Variants in GARNL3 observed in about 807,000 individuals in gnomAD.
The protein encoded by GARNL3 is GTPase activating Rap/RanGAP domain like 3.
A neutral mutation model predicts 125.0 loss-of-function variants in GARNL3; 63 were observed. The observed-to-expected ratio is 0.50, with a 90% CI of 0.41 to 0.62. GARNL3 has a LOEUF of 0.62. Ranked by LOEUF, GARNL3 falls within the 20% of genes least tolerant of loss-of-function variation. The probability of loss-of-function intolerance (pLI) is 0.00; values close to 1 mark genes in which losing one functional copy is unlikely to be tolerated. For synonymous variants in GARNL3, 439 were observed against 457.5 expected, an observed-to-expected ratio of 0.96 and a Z score of 0.52; for missense variants, 994 against 1,244.0, an observed-to-expected ratio of 0.80 and a Z score of 3.02.
intron 13 of GARNL3, among the ~76,000 whole-genome samples, chr9:127,341,931 G>A (rs922698495): frequency 3.9e-5 from 6 of 152,184 alleles, no homozygotes; most frequent in Non-Finnish European, 5.9e-5. Context: ...ACAGGTAGCA[G>A]CCGGCGGATC....
chr9:127,317,406 A>G (rs946551689), intron 4 of GARNL3, among the ~76,000 whole-genome samples: 1 of 152,100 alleles, frequency 6.6e-6, no homozygotes, highest in Non-Finnish European at 1.5e-5. Flanking sequence ...ATGGTCTTTG[A>G]GGCTTATTTG....
chr9:127,354,186 C>G, intron 18 of GARNL3, 108 bp from the exon 19 acceptor site: 1 of 818,430 alleles, frequency 1.2e-6, no homozygotes, highest in Non-Finnish European at 2.0e-6. Flanking sequence ...CTCCTGAATT[C>G]CAGAACACCT....
At chr9:127,294,421 A>G (rs532217435) in intron 2 of GARNL3, among the ~76,000 whole-genome samples, 87 of 152,244 alleles carry the variant, frequency 5.7e-4, no homozygotes, top group African/African-American at 2.0e-3. Flanking sequence ...CTTCTGCCTC[A>G]GCCTCCCAAG....
intron 22 of GARNL3, among the ~76,000 whole-genome samples, chr9:127,374,761 T>A (rs1302800692): frequency 6.6e-6 from 1 of 152,064 alleles, no homozygotes; most frequent in African/African-American, 2.4e-5. Context: ...TCATTAGCTA[T>A]TAGGGCAATG....
In GARNL3 at chr9:127,370,340, A is replaced by G. The variant is rs185330888; in HGVS notation, c.2161+4974A>G. The stretch of plus-strand genomic sequence containing the variant: ...GAAGTGGGAAATATCAGGAGTTTAA[A>G]AAAAGAACTGTTAAACTGTACAGGA... On this transcript the variant is annotated intron_variant, in intron 22 of 27. Coordinates refer to ENST00000373387, the MANE Select transcript of GARNL3 (RefSeq NM_032293.5). Among the ~76,000 whole-genome samples, 156 of 152,338 alleles carry G rather than the reference A, an allele frequency of 1.0e-3. 1 individual carries two copies. The highest frequency in any genetic ancestry group is 3.4e-3 in the Middle Eastern group (1 of 294).
At chr9:127,239,662 A>C (rs2063170155) in intron 1 of GARNL3, among the ~76,000 whole-genome samples, 1 of 152,214 alleles carries the variant, frequency 6.6e-6, no homozygotes, top group East Asian at 1.9e-4. Flanking sequence ...ATATATTTTA[A>C]ATAGTGAGAA....
chr9:127,229,637 A>C (rs1448047912), intron 1 of GARNL3, among the ~76,000 whole-genome samples: 4 of 152,210 alleles, frequency 2.6e-5, no homozygotes, highest in Admixed American at 6.5e-5. Context: ...CTGAGACTAC[A>C]GGTGAGTGCC....
At chr9:127,361,160 T>G (rs1830975926) in intron 21 of GARNL3, among the ~76,000 whole-genome samples, 1 of 152,246 alleles carries the variant, frequency 6.6e-6, no homozygotes, top group South Asian at 2.1e-4. Flanking sequence ...GTACAGTTCC[T>G]ACTTCACTTG....
In GARNL3 at chr9:127,392,720, G is replaced by A. The variant is rs1405501916; in HGVS notation, c.2871-363G>A. On this transcript the variant is annotated intron_variant, in intron 27 of 27. Transcript: ENST00000373387. This position sits in a 1 kb window ranked among gnomAD's most constrained non-coding sequence, Gnocchi z 5.2. ...AGAGGGAGTCAGGGGTGCCCTGGGA[G>A]GCTGGAGGGATCACAGGCCTAGTCC... Among the ~76,000 whole-genome samples, 1 of 152,254 alleles carries A rather than the reference G, an allele frequency of 6.6e-6. No homozygotes were observed.
intron 1 of GARNL3, among the ~76,000 whole-genome samples, 193 bp from the exon 2 acceptor site, chr9:127,290,975 T>TA (rs2064396911): frequency 1.3e-5 from 2 of 152,212 alleles, no homozygotes; most frequent in Admixed American, 6.5e-5. Context: ...AGGCATTCCT[T>TA]ACTCTTGGGT....
At position 127,339,640 on chromosome 9, in the gene GARNL3, C is replaced by T. The variant is rs776839618; in HGVS notation, c.1029-5C>T. On this transcript the variant is annotated splice_polypyrimidine_tract_variant and splice_region_variant and intron_variant, in intron 12 of 27. Transcript: ENST00000373387. ...AATATTAATTCTGCAATATTCTCTA[C>T]TTAGGCTGAAAATATTTTCAGAAGA... 6.2e-7 allele frequency: 1 copy of T among 1,601,476 alleles called. No individual in the cohort carries two copies. The highest frequency in any genetic ancestry group is 8.6e-7 in the Non-Finnish European group (1 of 1,168,476).
intron 18 of GARNL3, among the ~76,000 whole-genome samples, 174 bp from the exon 19 acceptor site, chr9:127,354,120 T>G (rs1306034778): frequency 2.0e-5 from 3 of 151,988 alleles, no homozygotes; most frequent in African/African-American, 4.8e-5. Context: ...GGGAAGCCGT[T>G]GGGGGAAAGG....
chr9:127,313,994 C>T (rs761915630), intron 4 of GARNL3, among the ~76,000 whole-genome samples: 3 of 152,128 alleles, frequency 2.0e-5, no homozygotes, highest in African/African-American at 4.8e-5. Flanking sequence ...GTCTGACTTC[C>T]GTTGTGGAGT....
chr9:127,360,672 C>T (rs976579942), intron 21 of GARNL3, among the ~76,000 whole-genome samples: 5 of 152,204 alleles, frequency 3.3e-5, no homozygotes, highest in African/African-American at 9.7e-5. Context: ...GCTGACACAG[C>T]GTAGGTCATT....
intron 1 of GARNL3, among the ~76,000 whole-genome samples, chr9:127,287,502 G>T (rs996104688): frequency 6.6e-6 from 1 of 152,190 alleles, no homozygotes; most frequent in African/African-American, 2.4e-5. Context: ...TCATTCCCCA[G>T]TTTGCTGGGG....
intron 2 of GARNL3, among the ~76,000 whole-genome samples, chr9:127,292,319 A>C (rs371531723): frequency 1.3e-5 from 2 of 152,226 alleles, no homozygotes; most frequent in South Asian, 4.1e-4. Context: ...GAAGGAACTC[A>C]TGGAGAATTT....
At chr9:127,305,120 T>TGTG (rs1397815045) in intron 2 of GARNL3, among the ~76,000 whole-genome samples, 1 of 152,192 alleles carries the variant, frequency 6.6e-6, no homozygotes, top group Non-Finnish European at 1.5e-5. Context: ...TCTTTTGGCA[T>TGTG]GTGGTTGAGT....
chr9:127,369,456 A>G (rs1363637262), intron 22 of GARNL3, among the ~76,000 whole-genome samples: 2 of 152,240 alleles, frequency 1.3e-5, no homozygotes, highest in Non-Finnish European at 2.9e-5. Context: ...AGAAATTACC[A>G]AAGGGAAGGG....
chr9:127,290,056 G>A (rs1383646353), intron 1 of GARNL3, among the ~76,000 whole-genome samples: 2 of 152,024 alleles, frequency 1.3e-5, no homozygotes, highest in Non-Finnish European at 2.9e-5. Flanking sequence ...ACTGTAGCCC[G>A]TTATTTTACC....
Sources: allele counts gnomAD v4.1 joint callset (sites outside exome capture counted in the v4.1 genomes callset), GRCh38; gene constraint gnomAD v4.1.1; non-coding constraint Gnocchi (gnomAD v3.1); transcripts MANE v1.5; gene names NCBI Gene and HGNC (gene_info 2026-07-23, HGNC 2026-07-21).